SCN9A: variants seen among roughly 807,000 people sequenced by gnomAD.
The protein encoded by SCN9A is sodium voltage-gated channel alpha subunit 9, also known as sodium channel protein type 9 subunit alpha.
Under a neutral mutation model 187.0 loss-of-function variants are expected in SCN9A, and 131 were observed. The ratio of observed to expected loss-of-function variants is 0.70; its 90% CI spans 0.61 to 0.81. The LOEUF is 0.81. SCN9A is among the 30% of genes least tolerant of loss of function. SCN9A has a pLI of 0.00. For missense variants in SCN9A, 2,252 were observed against 2,396.6 expected (o/e 0.94, Z 1.26); for synonymous variants, 809 against 808.6 (o/e 1.00, Z -0.01).
rs544352696 is a variant in SCN9A at position 166,280,368 on chromosome 2, T to C, written c.2332A>G (p.Ile778Val). The change falls in exon 14 of 27, where the codon ATA (isoleucine) becomes GTA (valine). Residue 778 changes from isoleucine to valine, a missense_variant. By Grantham distance (29) the Ile-to-Val change is conservative. Around this residue, in one of 7 missense-constraint regions of SCN9A, gnomAD observed 1,013 missense variants for 997.4 expected, o/e 1.02. Transcript: ENST00000642356. ...MTEEFKNVLAIGNLVFTGIFA... is the reference protein window; with the variant it reads ...MTEEFKNVLAVGNLVFTGIFA... The stretch of plus-strand genomic sequence containing the variant: ...AATAAGAGACTTACCAAATTTCCTA[T>C]AGCAAGTACATTTTTGAATTCCTCA... 6.4e-6 allele frequency: 10 copies of C among 1,560,506 alleles called. No individual in the cohort carries two copies. The highest frequency in any genetic ancestry group is 2.3e-5 in the East Asian group (1 of 43,482).
chr2:166,354,838 T>C (rs13387119), intron 1 of SCN9A, among the ~76,000 whole-genome samples: 41,375 of 152,062 alleles, frequency 0.27, 8,503 homozygotes, highest in African/African-American at 0.58. Context: ...TTTGGGGTTA[T>C]TAATATGGTT....
intron 1 of SCN9A, among the ~76,000 whole-genome samples, chr2:166,352,803 G>A (rs1430107781): frequency 6.6e-6 from 1 of 152,086 alleles, no homozygotes; most frequent in Non-Finnish European, 1.5e-5. Flanking sequence ...AGAACTATGA[G>A]CATTCAACTG....
intron 12 of SCN9A, among the ~76,000 whole-genome samples, chr2:166,283,828 C>T (rs957359237): frequency 1.3e-5 from 2 of 152,124 alleles, no homozygotes; most frequent in African/African-American, 4.8e-5. Context: ...TGGTTAAGAG[C>T]ACAAGATCTG....
intron 1 of SCN9A, chr2:166,321,564 A>G (rs888575801): frequency 1.3e-5 from 2 of 151,834 alleles, no homozygotes; most frequent in Non-Finnish European, 2.9e-5. Flanking sequence ...GAAACAACAC[A>G]TATTTTGAAC....
chr2:166,292,122 G>A (rs756426154), intron 9 of SCN9A, among the ~76,000 whole-genome samples: 3 of 152,136 alleles, frequency 2.0e-5, no homozygotes, highest in African/African-American at 2.4e-5. Flanking sequence ...ACTAACATCA[G>A]AGTGAACAGG....
chr2:166,311,507 C>CTGCATAG lies in SCN9A; in HGVS notation c.243_249dup (p.Asp84LeufsTer40). 6.4e-7 allele frequency: 1 copy of CTGCATAG among 1,552,700 alleles called. No homozygotes were observed. The highest frequency in any genetic ancestry group is 8.7e-7 in the Non-Finnish European group (1 of 1,147,202). On this transcript the variant is annotated frameshift_variant, in exon 2 of 27. Coordinates refer to ENST00000642356, the MANE Select transcript of SCN9A (RefSeq NM_001365536.1). LOFTEE classifies it high-confidence loss of function. Reference sequence around the variant, plus strand: ...AGTCAAAATAAACTCACCTTTTTGTCTGCATAGTAGGGGTCCAAGTCCTCC... The same window carrying CTGCATAG: ...AGTCAAAATAAACTCACCTTTTTGTCTGCATAGTGCATAGTAGGGGTCCAAGTCCTCC...
chr2:166,366,342 T>C (rs116547783), intron 1 of SCN9A, among the ~76,000 whole-genome samples: 2,299 of 152,326 alleles, frequency 0.015, 61 homozygotes, highest in African/African-American at 0.053. Flanking sequence ...CTGTCACAAA[T>C]AGTAAGATTT....
chr2:166,306,404 G>T, intron 4 of SCN9A, 106 bp downstream of exon 4: 1 of 721,826 alleles, frequency 1.4e-6, no homozygotes, highest in Non-Finnish European at 2.5e-6. Flanking sequence ...AACATGGGAA[G>T]GTAAAGATTC....
chr2:166,278,437 G>C (rs576155627), intron 14 of SCN9A, 124 bp from the exon 15 acceptor site: 1 of 761,196 alleles, frequency 1.3e-6, no homozygotes, highest in East Asian at 2.9e-5. Flanking sequence ...CTTTATAAAT[G>C]GATATTCTTA....
chr2:166,288,479 T>C lies in SCN9A; in HGVS notation c.1272A>G (p.Gln424=), dbSNP rs753267810. ...CTTTTTTAAGACGGTCTAACATCTG[T>C]TGAAATTCTAATTCTTTCTGTTTAG... ...EEAKQKELEF[Q]QMLDRLKKEQ... Residue 424 remains glutamine (Q), a synonymous_variant, in exon 10 of 27, where the codon CAA becomes CAG. Transcript: ENST00000642356. 9 of 1,613,012 alleles carry C rather than the reference T, an allele frequency of 5.6e-6. No individual in the cohort carries two copies. Among genetic ancestry groups the C allele is most frequent in the Non-Finnish European group, 6.8e-6 (8 of 1,179,246 alleles).
chr2:166,336,707 G>A (rs1237890631), intron 1 of SCN9A, among the ~76,000 whole-genome samples: 2 of 152,034 alleles, frequency 1.3e-5, no homozygotes, highest in African/African-American at 4.8e-5. Context: ...CTTCTGAGAG[G>A]TATTCTAGGC....
In SCN9A at chr2:166,195,241, A is replaced by G. The variant is rs202093346; in HGVS notation, c.*3431T>C. Reference sequence around the variant, plus strand: ...ATATTACAATGTGTCAGTCTCAAGTATAACTACAATATAACTACAATATAA... The same window carrying G: ...ATATTACAATGTGTCAGTCTCAAGTGTAACTACAATATAACTACAATATAA... On this transcript the variant is annotated 3_prime_UTR_variant, in exon 27 of 27. Coordinates refer to ENST00000642356, the MANE Select transcript of SCN9A (RefSeq NM_001365536.1). 9.2e-5 allele frequency: 14 copies of G among 152,324 alleles called. No homozygotes were observed. The highest frequency in any genetic ancestry group is 3.4e-4 in the African/African-American group (14 of 41,576). 9.4% of individuals were successfully genotyped at this position (152,324 alleles called of 1,614,324 possible). A position where few individuals can be genotyped will look rare whatever the true frequency, so the allele number is the denominator to read the frequency against.
intron 24 of SCN9A, among the ~76,000 whole-genome samples, chr2:166,211,186 T>G (rs1025551680): frequency 6.6e-6 from 1 of 151,942 alleles, no homozygotes; most frequent in Non-Finnish European, 1.5e-5. Flanking sequence ...TCTCTTAAGA[T>G]GAACAGCAGA....
intron 1 of SCN9A, among the ~76,000 whole-genome samples, chr2:166,368,195 G>A (rs1559067684): frequency 6.6e-6 from 1 of 152,202 alleles, no homozygotes; most frequent in Non-Finnish European, 1.5e-5. Context: ...TGGTGGTCAT[G>A]AGGATTTAAA....
rs201875421 is a variant in SCN9A, at chr2:166,199,260, C to T, written c.5379G>A (p.Ala1793=). 8.1e-6 allele frequency: 13 copies of T among 1,613,946 alleles called. No individual in the cohort carries two copies. In the African/African-American group the frequency reaches 1.6e-4, roughly 20 times the overall value. The change falls in exon 27 of 27, where the codon GCG becomes GCA. Residue 1793 remains alanine, a synonymous_variant. Coordinates refer to ENST00000642356, the MANE Select transcript of SCN9A (RefSeq NM_001365536.1). ...GTTTAGAGAACTCTATAAACTGGGTCGCATCGGGATCAAACTTCTCCCAAA... is the reference window on the plus strand; with the variant it reads ...GTTTAGAGAACTCTATAAACTGGGTTGCATCGGGATCAAACTTCTCCCAAA... ...YEVWEKFDPD[A]TQFIEFSKLS... is the part of the protein sequence containing the mutation.
chr2:166,214,462 C>G lies in SCN9A; in HGVS notation c.4399-9998G>C, dbSNP rs374195629. ...GGAATAACATTCCCCACGCCTTCTT[C>G]CCTGGCTTCCTCCAGAGACAATCCC... On this transcript the variant is annotated intron_variant, in intron 24 of 26. Coordinates refer to ENST00000642356, the MANE Select transcript of SCN9A (RefSeq NM_001365536.1). Among the ~76,000 whole-genome samples, 14 of 151,864 alleles carry G rather than the reference C, an allele frequency of 9.2e-5. No individual in the cohort carries two copies. The South Asian group carries it at 2.9e-3, about 32-fold the overall frequency.
intron 9 of SCN9A, among the ~76,000 whole-genome samples, chr2:166,289,905 C>G (rs1299976218): frequency 1.3e-5 from 2 of 152,038 alleles, no homozygotes; most frequent in Non-Finnish European, 1.5e-5. Context: ...TGATGATGAG[C>G]TTTTTTTCAT....
At chr2:166,296,265 A>T (rs186573214) in intron 7 of SCN9A, 22 of 152,364 alleles carry the variant, frequency 1.4e-4, no homozygotes, top group African/African-American at 4.8e-4. Context: ...TGTGATCCAC[A>T]CATTCTGTAC....
In SCN9A at chr2:166,198,738, C is replaced by T; in HGVS notation, c.5901G>A (p.Glu1967=). The T allele has an allele frequency of 6.2e-7, 1 of 1,613,358 alleles. No individual in the cohort carries two copies. The change falls in exon 27 of 27, where the codon GAG becomes GAA. Residue 1967 remains glutamate (E), a synonymous_variant. Transcript: ENST00000642356. ...SYDSVTKPDK[E]KYEQDRTEKE... is the part of the protein sequence containing the mutation. ...TTTCTGTTCTGTCTTGTTCATATTT[C>T]TCTTTGTCTGGCTTTGTTACACTAT...
Sources: gnomAD v4.1 joint callset for allele counts (sites outside exome capture counted in the v4.1 genomes callset) on GRCh38, gnomAD v4.1.1 for gene constraint, gnomAD v4.1.1 regional missense constraint, MANE v1.5 for transcripts, NCBI Gene and HGNC (gene_info 2026-07-23, HGNC 2026-07-21) for gene names.